The following GNG4 variants were observed in gnomAD, a reference collection of about 807,000 sequenced individuals.
The protein encoded by GNG4 is G protein subunit gamma 4.
A neutral mutation model predicts 5.8 loss-of-function variants in GNG4; 4 were observed. The ratio of observed to expected loss-of-function variants is 0.69; its 90% CI spans 0.34 to 1.57. The LOEUF (loss-of-function observed/expected upper bound fraction) is 1.57. Among genes scored for constraint, GNG4 ranks in the 40% most tolerant of loss-of-function variants. GNG4 has a pLI of 0.06. For synonymous variants in GNG4, 29 were observed against 32.9 expected (o/e 0.88, Z 0.41); for missense variants, 96 against 95.1 (o/e 1.01, Z -0.04).
intron 3 of GNG4, among the ~76,000 whole-genome samples, chr1:235,580,556 T>C (rs1687602889): frequency 6.6e-6 from 1 of 152,178 alleles, no homozygotes; most frequent in Non-Finnish European, 1.5e-5. Flanking sequence ...CCTCAGGCAT[T>C]GTCTCTTCAA....
intron 1 of GNG4, among the ~76,000 whole-genome samples, chr1:235,636,651 T>C (rs537549711): frequency 6.6e-6 from 1 of 152,208 alleles, no homozygotes; most frequent in Admixed American, 6.5e-5. Context: ...TCAATCACAT[T>C]CCTCCATACA....
chr1:235,635,467 G>C (rs984155732), intron 1 of GNG4, among the ~76,000 whole-genome samples: 1 of 151,992 alleles, frequency 6.6e-6, no homozygotes, highest in African/African-American at 2.4e-5. Context: ...CTGGACTCCA[G>C]CCTGGGCAAC....
intron 3 of GNG4, among the ~76,000 whole-genome samples, chr1:235,574,200 G>C (rs552971203): frequency 6.6e-6 from 1 of 152,078 alleles, no homozygotes; most frequent in African/African-American, 2.4e-5. Flanking sequence ...GTGAAACCCC[G>C]TCTCTACTAG....
chr1:235,572,305 T>C (rs2102929750), intron 3 of GNG4, among the ~76,000 whole-genome samples: 1 of 152,222 alleles, frequency 6.6e-6, no homozygotes, highest in African/African-American at 2.4e-5. Flanking sequence ...GTTCAAGCGA[T>C]TCTCTTGCCT....
At chr1:235,620,604 C>T (rs566742894) in intron 1 of GNG4, among the ~76,000 whole-genome samples, 190 of 152,124 alleles carry the variant, frequency 1.2e-3, no homozygotes, top group African/African-American at 4.5e-3. Flanking sequence ...GGCGTGATCT[C>T]GGCTCACTGC....
chr1:235,588,564 T>G (rs564588459), intron 2 of GNG4, among the ~76,000 whole-genome samples: 49 of 151,786 alleles, frequency 3.2e-4, no homozygotes, highest in African/African-American at 1.1e-3. Flanking sequence ...CTCTCCACAC[T>G]CACGAAGGGG....
At chr1:235,552,318 G>C (rs527767470) in intron 3 of GNG4, 81 bp from the exon 4 acceptor site, 3 of 1,249,034 alleles carry the variant, frequency 2.4e-6, no homozygotes, top group Non-Finnish European at 2.3e-6. Context: ...CACGTACAGA[G>C]GGGACAAGCC....
intron 1 of GNG4, among the ~76,000 whole-genome samples, chr1:235,645,256 C>T (rs78064409): frequency 0.066 from 10,122 of 152,232 alleles, 455 homozygotes; most frequent in Admixed American, 0.11. Flanking sequence ...TGCTCTCAGC[C>T]CTCAGCAGCC....
intron 1 of GNG4, among the ~76,000 whole-genome samples, chr1:235,602,042 C>T (rs921782866): frequency 5.3e-5 from 8 of 152,032 alleles, no homozygotes; most frequent in Admixed American, 4.6e-4. Flanking sequence ...GAGGCCGAGG[C>T]GGGTGGATCA....
intron 2 of GNG4, among the ~76,000 whole-genome samples, chr1:235,592,318 C>T (rs575345776): frequency 6.6e-6 from 1 of 152,222 alleles, no homozygotes; most frequent in East Asian, 1.9e-4. Flanking sequence ...CCAGCCTGGC[C>T]AACATGGTGA....
intron 1 of GNG4, among the ~76,000 whole-genome samples, chr1:235,635,660 A>G (rs539544966): frequency 2.9e-4 from 16 of 55,788 alleles, no homozygotes; most frequent in Admixed American, 2.6e-3. Context: ...TTCTTTATCA[A>G]TCACTGAGCC....
intron 1 of GNG4, among the ~76,000 whole-genome samples, chr1:235,639,444 G>A (rs1657248045): frequency 1.3e-5 from 2 of 152,238 alleles, no homozygotes; most frequent in Admixed American, 6.5e-5. Context: ...AGTTCCATCT[G>A]GCCAAATCAT....
At chr1:235,593,867 C>T (rs115113189) in intron 2 of GNG4, among the ~76,000 whole-genome samples, 1 of 152,182 alleles carries the variant, frequency 6.6e-6, no homozygotes, top group South Asian at 2.1e-4. Context: ...CCAGAGTGAG[C>T]AGCAGCAGAA....
At chr1:235,555,096 A>G (rs1390105669) in intron 3 of GNG4, among the ~76,000 whole-genome samples, 1 of 152,224 alleles carries the variant, frequency 6.6e-6, no homozygotes, top group East Asian at 1.9e-4. Context: ...GATCTCAAAC[A>G]TGATGAAGTC....
At chr1:235,637,601 C>G (rs1657159650) in intron 1 of GNG4, among the ~76,000 whole-genome samples, 2 of 149,492 alleles carry the variant, frequency 1.3e-5, no homozygotes, top group African/African-American at 5.0e-5. Context: ...TTGCAATGAG[C>G]CGAGATTGCA....
intron 3 of GNG4, among the ~76,000 whole-genome samples, chr1:235,564,817 C>G (rs899578928): frequency 1.3e-5 from 2 of 152,178 alleles, no homozygotes; most frequent in African/African-American, 2.4e-5. Flanking sequence ...CCCCGAGTAG[C>G]TGGGACCACA....
In GNG4 at chr1:235,642,041, G is replaced by A. The variant is rs11803873; in HGVS notation, c.-123+7621C>T. On this transcript the variant is annotated intron_variant, in intron 1 of 3. Transcript: ENST00000391854. The surrounding 1 kb of genome is among the most constrained non-coding windows in gnomAD (Gnocchi z 4.3). ...TTTCGCTTCCCCCGCAACTGCCTGC[G>A]TTTTCGTAGCCCTAGAGCTTCCAAC... 0.01 allele frequency among the ~76,000 whole-genome samples: 1,556 copies of A among 152,288 alleles called. 24 individuals are homozygous for A. The highest frequency in any genetic ancestry group is 0.035 in the African/African-American group (1,471 of 41,560).
intron 3 of GNG4, among the ~76,000 whole-genome samples, chr1:235,576,044 C>A (rs538344777): frequency 2.7e-5 from 4 of 149,360 alleles, no homozygotes; most frequent in African/African-American, 9.9e-5. Context: ...ATTTAATGAT[C>A]AATGTCATAT....
intron 1 of GNG4, among the ~76,000 whole-genome samples, chr1:235,595,784 TTCATGCCCAG>T (rs1177173047): frequency 6.6e-6 from 1 of 152,140 alleles, no homozygotes; most frequent in Non-Finnish European, 1.5e-5. Flanking sequence ...CCTGCAAACC[TTCATGCCCAG>T]TCGCTCTGCC....
Sources: gnomAD v4.1 joint callset for allele counts (sites outside exome capture counted in the v4.1 genomes callset) on GRCh38, gnomAD v4.1.1 for gene constraint, Gnocchi (gnomAD v3.1) non-coding constraint, MANE v1.5 for transcripts, NCBI Gene and HGNC (gene_info 2026-07-23, HGNC 2026-07-21) for gene names.